The following PPM1G variants were observed in gnomAD, a reference collection of about 807,000 sequenced individuals.
The protein encoded by PPM1G is protein phosphatase 1G.
In PPM1G, 12 loss-of-function variants were observed where a neutral mutation model predicts 59.4. The observed-to-expected ratio is 0.20, with a 90% CI of 0.13 to 0.33. The LOEUF is 0.33. PPM1G is among the 10% of genes least tolerant of loss of function. The pLI is 1.00. For missense variants in PPM1G, 392 were observed against 681.3 expected (o/e 0.58, Z 4.73); for synonymous variants, 245 against 251.9 (o/e 0.97, Z 0.26).
chr2:27,401,600 C>T (rs897994333), intron 1 of PPM1G, among the ~76,000 whole-genome samples: 2 of 152,206 alleles, frequency 1.3e-5, no homozygotes, highest in South Asian at 2.1e-4. Context: ...CTGAGGCAGG[C>T]AGATCACTTG....
At chr2:27,390,348 A>G (rs1022383384) in intron 1 of PPM1G, among the ~76,000 whole-genome samples, 1 of 152,194 alleles carries the variant, frequency 6.6e-6, no homozygotes, top group Non-Finnish European at 1.5e-5. Flanking sequence ...CTCTTCCTAG[A>G]TTAACATTTT....
chr2:27,386,883 G>A (rs1016580413), intron 2 of PPM1G: 7 of 449,112 alleles, frequency 1.6e-5, no homozygotes, highest in Middle Eastern at 5.9e-4. Context: ...AGGCTCTTTG[G>A]ATTAAAACAA....
rs761071151 is a variant in PPM1G, at chr2:27,385,305, C to T, written c.410-217G>A. On this transcript the variant is annotated intron_variant, in intron 4 of 9. Coordinates refer to ENST00000344034, the MANE Select transcript of PPM1G (RefSeq NM_177983.3). The surrounding 1 kb of genome is among the most constrained non-coding windows in gnomAD (Gnocchi z 4.1). ...TTCATCCCCTTCTTAATCAAAACAA[C>T]ACTAGTTACTATACTTCCCCTCTGA... 89 of 538,604 alleles carry T rather than the reference C, an allele frequency of 1.7e-4. 1 individual carries two copies. Among genetic ancestry groups the T allele is most frequent in the Non-Finnish European group, 2.7e-4 (83 of 312,378 alleles). 33.4% of individuals were successfully genotyped at this position (538,604 alleles called of 1,614,324 possible). A position where few individuals can be genotyped will look rare whatever the true frequency, so the allele number is the denominator to read the frequency against.
chr2:27,404,032 G>A (rs1663270232), intron 1 of PPM1G, among the ~76,000 whole-genome samples: 1 of 152,144 alleles, frequency 6.6e-6, no homozygotes. Flanking sequence ...TAGCATACTT[G>A]TGATATTTCT....
chr2:27,388,684 G>GCTAA (rs1366817546), intron 1 of PPM1G, among the ~76,000 whole-genome samples: 4 of 151,878 alleles, frequency 2.6e-5, no homozygotes, highest in Admixed American at 6.6e-5. Context: ...GACCATCCTG[G>GCTAA]CTAACATGGT....
chr2:27,393,046 A>C, intron 1 of PPM1G: 1 of 1,360,034 alleles, frequency 7.4e-7, no homozygotes, highest in East Asian at 2.3e-5. Flanking sequence ...AATTTTTTCC[A>C]AATGTAATCC....
intron 1 of PPM1G, among the ~76,000 whole-genome samples, chr2:27,398,730 G>A (rs1684110258): frequency 6.6e-6 from 1 of 151,736 alleles, no homozygotes; most frequent in East Asian, 1.9e-4. Flanking sequence ...GCTGAGGCAG[G>A]AGAATGGCTT....
At position 27,385,889 on chromosome 2, in the gene PPM1G, A is replaced by AGCAAAATAGTCTAAGACTAGT; in HGVS notation, c.277-31_277-11dup. On this transcript the variant is annotated splice_polypyrimidine_tract_variant and intron_variant, in intron 3 of 9. Transcript: ENST00000344034. The surrounding 1 kb of genome is among the most constrained non-coding windows in gnomAD (Gnocchi z 4.1). The stretch of plus-strand genomic sequence containing the variant: ...AGGCATCTTCTAAAGCCTGAATATA[A>AGCAAAATAGTCTAAGACTAGT]GCAAAATAGTCTAAGACTAGTACAA... The AGCAAAATAGTCTAAGACTAGT allele has an allele frequency of 1.2e-6, 2 of 1,609,584 alleles. No homozygotes were observed. The highest frequency in any genetic ancestry group is 1.7e-6 in the Non-Finnish European group (2 of 1,178,820).
In PPM1G at chr2:27,389,603, C is replaced by A. The variant is rs563664123; in HGVS notation, c.121-2445G>T. On this transcript the variant is annotated intron_variant, in intron 1 of 9. Coordinates refer to ENST00000344034, the MANE Select transcript of PPM1G (RefSeq NM_177983.3). ...TCTTAGAAATCTAGAAAAACTCACC[C>A]AACCTTGTATAACCCCACCAACTGA... is the stretch of plus-strand genomic sequence containing the variant. Among the ~76,000 whole-genome samples the A allele has an allele frequency of 6.6e-5, 10 of 152,242 alleles. No homozygotes were observed. The South Asian group carries it at 1.7e-3, about 25-fold the overall frequency.
At chr2:27,397,319 A>ATT in intron 1 of PPM1G, among the ~76,000 whole-genome samples, 1 of 152,084 alleles carries the variant, frequency 6.6e-6, no homozygotes. Context: ...AGAAAAGAAG[A>ATT]CAACACTTCC....
chr2:27,409,240 G>T (rs1349749958), intron 1 of PPM1G, 63 bp downstream of exon 1: 4 of 1,507,162 alleles, frequency 2.7e-6, no homozygotes, highest in Non-Finnish European at 2.7e-6. Flanking sequence ...CCCATCCCCC[G>T]CTCTCTTTCT....
chr2:27,387,278 G>A, intron 1 of PPM1G, 120 bp from the exon 2 acceptor site: 1 of 691,656 alleles, frequency 1.4e-6, no homozygotes. Context: ...CTAGAAATAA[G>A]AAAGGAAGAA....
chr2:27,409,111 G>T (rs916303170), intron 1 of PPM1G, among the ~76,000 whole-genome samples, 192 bp downstream of exon 1: 1 of 152,124 alleles, frequency 6.6e-6, no homozygotes, highest in African/African-American at 2.4e-5. Context: ...ACTGGCCACC[G>T]GCACACGGTC....
intron 1 of PPM1G, among the ~76,000 whole-genome samples, chr2:27,396,128 C>T (rs766392129): frequency 5.9e-5 from 9 of 151,930 alleles, no homozygotes; most frequent in Non-Finnish European, 7.4e-5. Flanking sequence ...AAAAATTAGC[C>T]GGGTGTTGTG....
At chr2:27,397,141 T>C (rs1377754844) in intron 1 of PPM1G, among the ~76,000 whole-genome samples, 3 of 152,074 alleles carry the variant, frequency 2.0e-5, no homozygotes, top group Non-Finnish European at 4.4e-5. Context: ...AGTGCTGGGA[T>C]TACAGGCGTG....
chr2:27,385,647 A>AG lies in PPM1G; in HGVS notation c.409+99dup. The AG allele has an allele frequency of 1.4e-6, 2 of 1,463,638 alleles. No individual in the cohort carries two copies. The highest frequency in any genetic ancestry group is 1.8e-6 in the Non-Finnish European group (2 of 1,089,932). The allele number at this position is 1,463,638 out of a possible 1,614,324, so 90.7% of individuals were successfully genotyped here. ...GGTTTCTTTAACATAAGGACTCCCCAGGTCCCTAGAAAGCCATCCTATCTT... is the reference window on the plus strand; with the variant it reads ...GGTTTCTTTAACATAAGGACTCCCCAGGGTCCCTAGAAAGCCATCCTATCTT... On this transcript the variant is annotated intron_variant, in intron 4 of 9. Coordinates refer to ENST00000344034, the MANE Select transcript of PPM1G (RefSeq NM_177983.3). The surrounding 1 kb of genome is among the most constrained non-coding windows in gnomAD (Gnocchi z 4.1).
intron 1 of PPM1G, among the ~76,000 whole-genome samples, chr2:27,399,644 A>C (rs547862000): frequency 1.3e-5 from 2 of 152,172 alleles, no homozygotes; most frequent in African/African-American, 4.8e-5. Context: ...AAACATCATT[A>C]GCCATTTAGC....
At chr2:27,391,800 C>T (rs1340040905) in intron 1 of PPM1G, among the ~76,000 whole-genome samples, 4 of 150,504 alleles carry the variant, frequency 2.7e-5, no homozygotes, top group African/African-American at 4.9e-5. Flanking sequence ...GGCGCGATCT[C>T]GGCTCATCAC....
rs1572659010 is a variant in PPM1G, at chr2:27,382,390, A to G, written c.1331+86T>C. The G allele has an allele frequency of 6.3e-7, 1 of 1,589,052 alleles. No homozygotes were observed. Among genetic ancestry groups the G allele is most frequent in the Non-Finnish European group, 8.6e-7 (1 of 1,166,566 alleles). ...CCCACCAAGAGGCCTAGGTCTGCCT[A>G]GGCTCTAATCCTAGAGGTGCCCTGA... On this transcript the variant is annotated intron_variant, in intron 8 of 9. Transcript: ENST00000344034. This position sits in a 1 kb window ranked among gnomAD's most constrained non-coding sequence, Gnocchi z 4.2.
Sources: allele counts gnomAD v4.1 joint callset (sites outside exome capture counted in the v4.1 genomes callset), GRCh38; gene constraint gnomAD v4.1.1; non-coding constraint Gnocchi (gnomAD v3.1); transcripts MANE v1.5; gene names NCBI Gene and HGNC (gene_info 2026-07-23, HGNC 2026-07-21).